The following LRP1B variants were observed in gnomAD, a reference collection of about 807,000 sequenced individuals.
The protein encoded by LRP1B is low-density lipoprotein receptor-related protein 1B.
LRP1B carries 217 observed loss-of-function variants against 556.6 expected under a neutral mutation model. The observed-to-expected ratio is 0.39, with a 90% confidence interval of 0.35 to 0.44. The LOEUF is 0.44. LRP1B is among the 20% of genes least tolerant of loss of function. LRP1B has a pLI of 1.00. For synonymous variants in LRP1B, 2,047 were observed against 1,865.8 expected, an observed-to-expected ratio of 1.10 and a Z score of -2.50; for missense variants, 5,053 against 5,620.8, an observed-to-expected ratio of 0.90 and a Z score of 3.23.
chr2:141,042,763 G>T (rs896944567), intron 11 of LRP1B, among the ~76,000 whole-genome samples: 7 of 151,850 alleles, frequency 4.6e-5, no homozygotes, highest in African/African-American at 7.3e-5. Flanking sequence ...CACTATTATT[G>T]CTGTCATTGA....
At chr2:140,542,005 GA>G (rs768421076) in intron 43 of LRP1B, 34 bp from the exon 44 acceptor site, 1 of 1,472,982 alleles carries the variant, frequency 6.8e-7, no homozygotes, top group South Asian at 1.3e-5. Flanking sequence ...TTTTTATGAT[GA>G]ATATATAGAC....
intron 15 of LRP1B, among the ~76,000 whole-genome samples, chr2:141,004,743 T>C (rs961046603): frequency 1.6e-4 from 25 of 152,190 alleles, no homozygotes; most frequent in African/African-American, 5.8e-4. Context: ...GTTGGTGTTA[T>C]TGTGCTGAAG....
chr2:141,983,671 T>C (rs746403553), intron 1 of LRP1B, among the ~76,000 whole-genome samples: 11 of 152,208 alleles, frequency 7.2e-5, no homozygotes, highest in Non-Finnish European at 2.9e-5. Context: ...TCAAACATGC[T>C]TGTTGAAATT....
intron 1 of LRP1B, among the ~76,000 whole-genome samples, chr2:141,915,819 A>T (rs1383071064): frequency 6.7e-6 from 1 of 149,312 alleles, no homozygotes; most frequent in Non-Finnish European, 1.5e-5. Context: ...GCCAACAAAC[A>T]TATAAAAAAT....
At position 141,031,476 on chromosome 2, in the gene LRP1B, T is replaced by C. The variant is rs146205872; in HGVS notation, c.1790-11374A>G. Among the ~76,000 whole-genome samples the C allele has an allele frequency of 6.1e-3, 923 of 152,104 alleles. 12 individuals are homozygous for C. Among genetic ancestry groups the C allele is most frequent in the African/African-American group, 0.019 (800 of 41,560 alleles). ...AGAAGGCCAATGATTAGATAAAATT[T>C]GATATTTCTCTTTTGCTTCATCTGA... On this transcript the variant is annotated intron_variant, in intron 11 of 90. Transcript: ENST00000389484.
intron 3 of LRP1B, among the ~76,000 whole-genome samples, chr2:141,436,932 T>C (rs1048172495): frequency 2.0e-5 from 3 of 152,152 alleles, no homozygotes; most frequent in Non-Finnish European, 4.4e-5. Context: ...ATGAGAATAA[T>C]ATATTGTGCT....
intron 3 of LRP1B, among the ~76,000 whole-genome samples, chr2:141,365,705 T>A (rs1208844437): frequency 7.8e-6 from 1 of 128,902 alleles, no homozygotes; most frequent in Admixed American, 7.6e-5. Context: ...CGGGCTGGAG[T>A]GCAGTGGCCC....
chr2:140,544,793 G>A (rs190791976), intron 43 of LRP1B, among the ~76,000 whole-genome samples: 74 of 152,200 alleles, frequency 4.9e-4, no homozygotes, highest in Non-Finnish European at 1.2e-4. Context: ...CCATGTGCAT[G>A]TATCTTTACA....
chr2:140,375,173 A>ATGTGTGTGTG (rs34597866), intron 68 of LRP1B, among the ~76,000 whole-genome samples: 13 of 144,220 alleles, frequency 9.0e-5, no homozygotes, highest in African/African-American at 3.0e-4. Flanking sequence ...TACTGTGTGT[A>ATGTGTGTGTG]TGTGTGTGTG....
chr2:141,141,208 C>T (rs914905259), intron 7 of LRP1B, among the ~76,000 whole-genome samples: 7 of 152,100 alleles, frequency 4.6e-5, no homozygotes, highest in East Asian at 3.8e-4. Flanking sequence ...TATGGTTAAT[C>T]GTCGGACAAA....
At chr2:140,386,616 A>T (rs1683770334) in intron 66 of LRP1B, among the ~76,000 whole-genome samples, 1 of 152,228 alleles carries the variant, frequency 6.6e-6, no homozygotes, top group Non-Finnish European at 1.5e-5. Context: ...TGCACTGAGT[A>T]CCAGGAAAGT....
intron 27 of LRP1B, among the ~76,000 whole-genome samples, chr2:140,853,304 T>C (rs1692517215): frequency 6.6e-6 from 1 of 152,146 alleles, no homozygotes; most frequent in Admixed American, 6.5e-5. Context: ...GTTTCCCCAG[T>C]TTATTACCAT....
chr2:140,649,582 A>G (rs1684603593), intron 41 of LRP1B, among the ~76,000 whole-genome samples: 1 of 152,246 alleles, frequency 6.6e-6, no homozygotes, highest in Non-Finnish European at 1.5e-5. Flanking sequence ...CTTTGATAAA[A>G]GACAAGTATC....
At chr2:140,811,584 T>C (rs968497431) in intron 32 of LRP1B, among the ~76,000 whole-genome samples, 6 of 152,142 alleles carry the variant, frequency 3.9e-5, no homozygotes, top group African/African-American at 1.4e-4. Context: ...ATAAAGTACA[T>C]TGGAAATAAG....
At chr2:140,538,671 A>G (rs1680020995) in intron 45 of LRP1B, among the ~76,000 whole-genome samples, 2 of 152,170 alleles carry the variant, frequency 1.3e-5, no homozygotes, top group African/African-American at 4.8e-5. Context: ...ACAATATTAA[A>G]TTAAAAAAAA....
intron 1 of LRP1B, among the ~76,000 whole-genome samples, chr2:141,846,910 T>A (rs925084883): frequency 3.3e-5 from 5 of 151,548 alleles, no homozygotes; most frequent in African/African-American, 1.2e-4. Context: ...ATGCGTTTCT[T>A]TGAAGGTTGA....
chr2:141,287,334 T>C (rs1201752223), intron 3 of LRP1B, among the ~76,000 whole-genome samples: 3 of 151,070 alleles, frequency 2.0e-5, no homozygotes, highest in African/African-American at 7.3e-5. Context: ...TTTCTTTTTT[T>C]TTTTTTGAGA....
At chr2:141,075,658 A>AG (rs1699767857) in intron 7 of LRP1B, among the ~76,000 whole-genome samples, 1 of 152,194 alleles carries the variant, frequency 6.6e-6, no homozygotes, top group South Asian at 2.1e-4. Context: ...TCTGCACTTA[A>AG]GGAAGTCCTA....
chr2:141,010,951 GGT>G (rs71995663), intron 14 of LRP1B, among the ~76,000 whole-genome samples: 16,478 of 144,484 alleles, frequency 0.11, 1,551 homozygotes, highest in East Asian at 0.29. Context: ...CTTGTCAGAT[GGT>G]GTGTGTGTGT....
Sources: gnomAD v4.1 joint callset for allele counts (sites outside exome capture counted in the v4.1 genomes callset) on GRCh38, gnomAD v4.1.1 for gene constraint, MANE v1.5 for transcripts, NCBI Gene and HGNC (gene_info 2026-07-23, HGNC 2026-07-21) for gene names.